The following PABPC4L variants were observed in gnomAD, a reference collection of about 807,000 sequenced individuals.
The protein encoded by PABPC4L is poly(A) binding protein cytoplasmic 4 like, also known as polyadenylate-binding protein 4-like.
For synonymous variants in PABPC4L, 169 were observed against 164.1 expected, an observed-to-expected ratio of 1.03 and a Z score of -0.23; for missense variants, 452 against 451.4, an observed-to-expected ratio of 1.00 and a Z score of -0.01.
chr4:133,968,521 C>T, the PABPC4L span, among the ~76,000 whole-genome samples: 2 of 152,130 alleles, frequency 1.3e-5, no homozygotes, highest in Admixed American at 1.3e-4. Context: ...CCATCAATAG[C>T]GACAGGATTG....
At chr4:134,191,124 A>G in the PABPC4L span, among the ~76,000 whole-genome samples, 1 of 152,128 alleles carries the variant, frequency 6.6e-6, no homozygotes, top group African/African-American at 2.4e-5. Flanking sequence ...GGCTATGTTT[A>G]TGGCTTATTA....
At position 134,199,026 on chromosome 4, in the gene PABPC4L, G is replaced by T. The variant is rs1029254597; in HGVS notation, c.*881C>A. The T allele has an allele frequency of 2.0e-5, 3 of 151,962 alleles. No homozygotes were observed. Among genetic ancestry groups the T allele is most frequent in the Admixed American group, 2.0e-4 (3 of 15,264 alleles). The allele number at this position is 151,962 out of a possible 1,614,324, so 9.4% of individuals were successfully genotyped here. On this transcript the variant is annotated 3_prime_UTR_variant, in exon 2 of 2. Coordinates refer to ENST00000421491, the MANE Select transcript of PABPC4L (RefSeq NM_001114734.2). ...AAGAGATTTTAAAAGTTTTTAAACA[G>T]AATTTCTATAATCTGTATGTATGAT...
chr4:134,160,214 G>C, the PABPC4L span, among the ~76,000 whole-genome samples: 1 of 152,114 alleles, frequency 6.6e-6, no homozygotes, highest in African/African-American at 2.4e-5. Context: ...GTCGGCTGTG[G>C]TGGCCATGAA....
the PABPC4L span, among the ~76,000 whole-genome samples, chr4:134,148,556 T>C: frequency 6.6e-6 from 1 of 152,154 alleles, no homozygotes; most frequent in Admixed American, 6.6e-5. Flanking sequence ...TGACAAATTA[T>C]ACTTTCATGC....
the PABPC4L span, among the ~76,000 whole-genome samples, chr4:134,026,741 A>T: frequency 6.6e-6 from 1 of 152,308 alleles, no homozygotes; most frequent in South Asian, 2.1e-4. Context: ...CGTGAGCTCC[A>T]GTCCAATCTT....
chr4:134,093,084 T>C, the PABPC4L span, among the ~76,000 whole-genome samples: 2 of 151,908 alleles, frequency 1.3e-5, no homozygotes, highest in African/African-American at 4.8e-5. Context: ...CTCTTTGTCA[T>C]GTCCTCTCTC....
chr4:133,970,332 G>A, the PABPC4L span, among the ~76,000 whole-genome samples: 2 of 151,834 alleles, frequency 1.3e-5, no homozygotes, highest in Non-Finnish European at 2.9e-5. Context: ...GAATTTTCAT[G>A]CTTGGTCTAC....
the PABPC4L span, among the ~76,000 whole-genome samples, chr4:134,114,783 T>A: frequency 6.6e-6 from 1 of 151,904 alleles, no homozygotes; most frequent in African/African-American, 2.4e-5. Context: ...TTTAAAACTA[T>A]AAATATCTTT....
At chr4:134,038,432 G>T in the PABPC4L span, among the ~76,000 whole-genome samples, 1 of 152,048 alleles carries the variant, frequency 6.6e-6, no homozygotes, top group African/African-American at 2.4e-5. Context: ...GTAGAATTTG[G>T]CTGTGAATCC....
the PABPC4L span, among the ~76,000 whole-genome samples, chr4:134,086,461 T>C: frequency 6.6e-6 from 1 of 152,134 alleles, no homozygotes; most frequent in African/African-American, 2.4e-5. Context: ...GGATGGTCTG[T>C]CTCTCTGCTC....
the PABPC4L span, among the ~76,000 whole-genome samples, chr4:134,110,476 G>A: frequency 6.6e-6 from 1 of 151,774 alleles, no homozygotes; most frequent in African/African-American, 2.4e-5. Context: ...AAAAATAAGA[G>A]AAAGTAACCA....
the PABPC4L span, among the ~76,000 whole-genome samples, chr4:134,012,776 G>A: frequency 2.0e-5 from 3 of 152,110 alleles, no homozygotes; most frequent in African/African-American, 7.2e-5. Context: ...CCGGTAAGCG[G>A]CCTCTTTTTA....
chr4:134,111,772 C>T, the PABPC4L span, among the ~76,000 whole-genome samples: 1 of 151,926 alleles, frequency 6.6e-6, no homozygotes, highest in African/African-American at 2.4e-5. Flanking sequence ...TCATGCTTTT[C>T]ACCTTCCACC....
chr4:134,172,187 CA>C, the PABPC4L span, among the ~76,000 whole-genome samples: 1 of 151,420 alleles, frequency 6.6e-6, no homozygotes, highest in Non-Finnish European at 1.5e-5. Flanking sequence ...CACATGGAAC[CA>C]AAAAAAACTC....
At chr4:134,062,827 T>A in the PABPC4L span, among the ~76,000 whole-genome samples, 2 of 152,180 alleles carry the variant, frequency 1.3e-5, no homozygotes, top group South Asian at 4.1e-4. Flanking sequence ...AAGTTAGGAA[T>A]AAAAATTCAT....
At chr4:134,026,383 A>C in the PABPC4L span, among the ~76,000 whole-genome samples, 3 of 151,912 alleles carry the variant, frequency 2.0e-5, no homozygotes. Flanking sequence ...CTACAGGTGC[A>C]CACCACCACA....
the PABPC4L span, among the ~76,000 whole-genome samples, chr4:134,012,643 C>G: frequency 2.0e-5 from 3 of 152,146 alleles, 1 homozygote; most frequent in African/African-American, 7.2e-5. Flanking sequence ...TGACTTGGAT[C>G]GGGGGACCTC....
At chr4:134,163,822 T>G in the PABPC4L span, among the ~76,000 whole-genome samples, 1 of 152,160 alleles carries the variant, frequency 6.6e-6, no homozygotes, top group African/African-American at 2.4e-5. Context: ...CCTCAACAAC[T>G]TAGGTATAGA....
At chr4:134,059,185 T>C in the PABPC4L span, among the ~76,000 whole-genome samples, 1 of 151,892 alleles carries the variant, frequency 6.6e-6, no homozygotes, top group Non-Finnish European at 1.5e-5. Context: ...TTTCATGACC[T>C]ACTCCAAAAA....
Sources: allele counts gnomAD v4.1 joint callset (sites outside exome capture counted in the v4.1 genomes callset), GRCh38; gene constraint gnomAD v4.1.1; transcripts MANE v1.5; gene names NCBI Gene and HGNC (gene_info 2026-07-23, HGNC 2026-07-21).